The following SCAPER variants were observed in gnomAD, a reference collection of about 807,000 sequenced individuals.
SCAPER encodes S phase cyclin A-associated protein in the endoplasmic reticulum.
Under a neutral mutation model 182.2 loss-of-function variants are expected in SCAPER, and 98 were observed. That is an observed-to-expected ratio of 0.54 (90% CI 0.46 to 0.64). SCAPER has a LOEUF of 0.64. SCAPER is among the 30% of genes least tolerant of loss of function. The pLI, the probability that SCAPER is intolerant of heterozygous loss-of-function variation, is 0.00. For missense variants in SCAPER, 1,432 were observed against 1,690.0 expected (o/e 0.85, Z 2.68); for synonymous variants, 605 against 564.6 (o/e 1.07, Z -1.01).
At chr15:76,721,450 C>T (rs550960818) in intron 17 of SCAPER, among the ~76,000 whole-genome samples, 3 of 151,746 alleles carry the variant, frequency 2.0e-5, no homozygotes, top group Non-Finnish European at 2.9e-5. Flanking sequence ...TAGTTTTTTC[C>T]AATTCTGTGA....
chr15:76,672,470 T>C (rs1307764743), intron 20 of SCAPER, among the ~76,000 whole-genome samples: 1 of 151,804 alleles, frequency 6.6e-6, no homozygotes, highest in Non-Finnish European at 1.5e-5. Flanking sequence ...ACACAAAAAA[T>C]GATATAAGGC....
At chr15:76,669,479 T>C (rs28686786) in intron 20 of SCAPER, among the ~76,000 whole-genome samples, 1 of 152,168 alleles carries the variant, frequency 6.6e-6, no homozygotes, top group African/African-American at 2.4e-5. Context: ...CAAAGACATA[T>C]GGAACAAAGC....
At chr15:76,649,528 T>C (rs1264303290) in intron 21 of SCAPER, among the ~76,000 whole-genome samples, 3 of 150,912 alleles carry the variant, frequency 2.0e-5, no homozygotes, top group Non-Finnish European at 4.4e-5. Context: ...AACCATGATA[T>C]GGAAAAAAAT....
intron 24 of SCAPER, among the ~76,000 whole-genome samples, chr15:76,476,272 T>C (rs893701716): frequency 4.6e-5 from 7 of 152,240 alleles, no homozygotes; most frequent in Non-Finnish European, 8.8e-5. Flanking sequence ...GATAGTTGTT[T>C]GTGTGGCATT....
intron 22 of SCAPER, among the ~76,000 whole-genome samples, chr15:76,621,355 C>T (rs1269216530): frequency 2.0e-5 from 3 of 152,110 alleles, no homozygotes; most frequent in African/African-American, 4.8e-5. Flanking sequence ...CGGACTGGCC[C>T]GAGGAACAAT....
chr15:76,464,231 T>A lies in SCAPER; in HGVS notation c.3078+6981A>T, dbSNP rs75137937. Among the ~76,000 whole-genome samples, 34 of 152,230 alleles carry A rather than the reference T, an allele frequency of 2.2e-4. No individual in the cohort carries two copies. The East Asian group carries it at 6.4e-3, about 29-fold the overall frequency. On this transcript the variant is annotated intron_variant, in intron 25 of 31. Transcript: ENST00000563290. ...CTTTGTTTCTATGAGGCTGATTCTTTTAGATATGTCATTTAAGTAGAATCA... is the reference window on the plus strand; with the variant it reads ...CTTTGTTTCTATGAGGCTGATTCTTATAGATATGTCATTTAAGTAGAATCA...
chr15:76,899,127 A>G (rs1439792777), intron 1 of SCAPER, among the ~76,000 whole-genome samples: 1 of 152,206 alleles, frequency 6.6e-6, no homozygotes, highest in Non-Finnish European at 1.5e-5. Flanking sequence ...AAAATCAGTC[A>G]ATATACAAGA....
intron 14 of SCAPER, among the ~76,000 whole-genome samples, chr15:76,756,468 C>T (rs1386339069): frequency 6.6e-6 from 1 of 152,012 alleles, no homozygotes. Context: ...ATCTTGGTTA[C>T]TCAGCAGGTT....
chr15:76,559,920 GTGTGTGTGTGTGTA>G (rs1286314561), intron 23 of SCAPER, among the ~76,000 whole-genome samples: 1 of 152,138 alleles, frequency 6.6e-6, no homozygotes, highest in African/African-American at 2.4e-5. Flanking sequence ...TTGTATATGT[GTGTGTGTGTGTGTA>G]TGTGTGTGTG....
intron 1 of SCAPER, among the ~76,000 whole-genome samples, chr15:76,892,374 G>C (rs147692927): frequency 2.9e-4 from 44 of 152,294 alleles, no homozygotes; most frequent in Admixed American, 3.3e-4. Context: ...ACTACCATCA[G>C]AGTGAACAGG....
intron 29 of SCAPER, among the ~76,000 whole-genome samples, chr15:76,374,791 A>AG (rs1302308667): frequency 5.9e-5 from 9 of 152,028 alleles, no homozygotes; most frequent in Non-Finnish European, 1.2e-4. Context: ...CCGGCCAAGT[A>AG]GGGGGCTTTA....
chr15:76,633,606 A>G (rs1040177865), intron 21 of SCAPER, among the ~76,000 whole-genome samples: 8 of 152,178 alleles, frequency 5.3e-5, no homozygotes, highest in African/African-American at 1.9e-4. Context: ...AGTTCTGTCC[A>G]TAAACACCTG....
rs761334759 is a variant in SCAPER, at chr15:76,728,639, T to C, written c.2121A>G (p.Gln707=). The part of the protein sequence containing the change: ...EQEARIEQQR[Q]EKEKAREDAA... ...CATCCTCACGGGCTTTTTCCTTTTC[T>C]TGCCTCTGTTGTTCAATTCGGGCTT... The change falls in exon 17 of 32, where the codon CAA becomes CAG. Residue 707 remains glutamine, a synonymous_variant. Coordinates refer to ENST00000563290, the MANE Select transcript of SCAPER (RefSeq NM_020843.4). 4.3e-6 allele frequency: 7 copies of C among 1,613,650 alleles called. No individual in the cohort carries two copies. The highest frequency in any genetic ancestry group is 5.9e-6 in the Non-Finnish European group (7 of 1,179,722).
chr15:76,749,694 T>C (rs2151168869), intron 15 of SCAPER, among the ~76,000 whole-genome samples: 1 of 152,110 alleles, frequency 6.6e-6, no homozygotes, highest in Middle Eastern at 3.4e-3. Flanking sequence ...GAACTACAGA[T>C]AAATTTCACA....
At chr15:76,836,835 T>C (rs989813026) in intron 5 of SCAPER, among the ~76,000 whole-genome samples, 3 of 151,964 alleles carry the variant, frequency 2.0e-5, no homozygotes, top group South Asian at 2.1e-4. Flanking sequence ...GATCTCACCA[T>C]TGCACTCCAG....
At chr15:76,462,239 A>G (rs559646691) in intron 25 of SCAPER, among the ~76,000 whole-genome samples, 9 of 152,108 alleles carry the variant, frequency 5.9e-5, no homozygotes, top group Non-Finnish European at 1.2e-4. Context: ...CTTTCTTCCA[A>G]GTGACTATTC....
chr15:76,708,280 G>A (rs752275115), intron 17 of SCAPER, among the ~76,000 whole-genome samples: 1 of 151,932 alleles, frequency 6.6e-6, no homozygotes, highest in Non-Finnish European at 1.5e-5. Flanking sequence ...TTGTCTTCCC[G>A]AATATTTTTG....
chr15:76,482,288 T>C (rs1247089751), intron 24 of SCAPER, among the ~76,000 whole-genome samples: 1 of 152,214 alleles, frequency 6.6e-6, no homozygotes, highest in Non-Finnish European at 1.5e-5. Flanking sequence ...TTTCCTTTTA[T>C]TTTTTCAGTT....
intron 1 of SCAPER, among the ~76,000 whole-genome samples, chr15:76,899,151 T>A (rs2074603583): frequency 6.6e-6 from 1 of 152,042 alleles, no homozygotes; most frequent in African/African-American, 2.4e-5. Context: ...ATGGATATGC[T>A]CTCCCTCTCC....
Sources: allele counts gnomAD v4.1 joint callset (sites outside exome capture counted in the v4.1 genomes callset), GRCh38; gene constraint gnomAD v4.1.1; transcripts MANE v1.5; gene names NCBI Gene and HGNC (gene_info 2026-07-23, HGNC 2026-07-21).